The following CFAP20DC variants were observed in gnomAD, a reference collection of about 807,000 sequenced individuals.
The protein encoded by CFAP20DC is CFAP20 domain containing, also known as protein CFAP20DC.
In CFAP20DC, 84 loss-of-function variants were observed where a neutral mutation model predicts 101.7. The observed-to-expected ratio is 0.83, with a 90% CI of 0.69 to 0.99. The LOEUF (loss-of-function observed/expected upper bound fraction) is 0.99, where lower values mean the gene tolerates loss of function less well. Among genes scored for constraint, CFAP20DC ranks in the 50% least tolerant of loss-of-function variants. CFAP20DC has a pLI of 0.00. For synonymous variants in CFAP20DC, 359 were observed against 351.2 expected, an observed-to-expected ratio of 1.02 and a Z score of -0.25; for missense variants, 1,007 against 970.3, an observed-to-expected ratio of 1.04 and a Z score of -0.50.
intron 5 of CFAP20DC, among the ~76,000 whole-genome samples, chr3:58,936,683 C>T (rs1212383363): frequency 6.6e-6 from 1 of 152,092 alleles, no homozygotes; most frequent in Non-Finnish European, 1.5e-5. Flanking sequence ...GACGGAAAAC[C>T]AAACACCGCA....
At position 58,742,244 on chromosome 3, in the gene CFAP20DC, CTG is replaced by C. The variant is rs2067914088; in HGVS notation, c.*214_*215del. On this transcript the variant is annotated 3_prime_UTR_variant, in exon 17 of 17. Coordinates refer to ENST00000482387, the MANE Select transcript of CFAP20DC (RefSeq NM_001394063.1). ...AATTCAAACTCCTAAAATCTTGCCT[CTG>C]TATTAATTTCTTCAGTTTCAAAATC... The C allele has an allele frequency of 5.4e-6, 6 of 1,104,528 alleles. No homozygotes were observed. The highest frequency in any genetic ancestry group is 6.7e-6 in the Non-Finnish European group (6 of 900,986). The allele number at this position is 1,104,528 out of a possible 1,614,324, so 68.4% of individuals were successfully genotyped here. A position where few individuals can be genotyped will look rare whatever the true frequency, so the allele number is the denominator to read the frequency against.
At chr3:58,981,866 T>C (rs1192337291) in intron 4 of CFAP20DC, among the ~76,000 whole-genome samples, 1 of 152,136 alleles carries the variant, frequency 6.6e-6, no homozygotes, top group African/African-American at 2.4e-5. Flanking sequence ...TGGGATCTAA[T>C]TAAACTGAAG....
intron 4 of CFAP20DC, among the ~76,000 whole-genome samples, chr3:58,962,146 T>C (rs947492624): frequency 1.8e-4 from 28 of 152,202 alleles, no homozygotes; most frequent in Admixed American, 1.8e-3. Context: ...AACATATGAA[T>C]TTACAGCTCC....
At chr3:58,890,313 C>A (rs1382335173) in intron 6 of CFAP20DC, among the ~76,000 whole-genome samples, 13 of 139,930 alleles carry the variant, frequency 9.3e-5, no homozygotes, top group African/African-American at 2.9e-4. Flanking sequence ...GGGGGGCTGA[C>A]CCCCCCACCT....
Position 58,867,895 on chromosome 3 carries a change from G to T in CFAP20DC, c.1057C>A (p.Pro353Thr). Residue 353 changes from proline to threonine, a missense_variant, in exon 10 of 17, where the codon CCA becomes ACA. Coordinates refer to ENST00000482387, the MANE Select transcript of CFAP20DC (RefSeq NM_001394063.1). ...CTGTTATTATTCTTATCTGCTGATGGTTCTTGAGGGGGATGCGGATGCATA... is the reference window on the plus strand; with the variant it reads ...CTGTTATTATTCTTATCTGCTGATGTTTCTTGAGGGGGATGCGGATGCATA... ...HIMHPHPPQE[P>T]SADKNNNRRR... The T allele has an allele frequency of 6.2e-7, 1 of 1,613,260 alleles. No individual in the cohort carries two copies. The highest frequency in any genetic ancestry group is 8.5e-7 in the Non-Finnish European group (1 of 1,179,586).
chr3:58,860,190 AAAAAG>A (rs1190860365), intron 12 of CFAP20DC, among the ~76,000 whole-genome samples: 3 of 151,412 alleles, frequency 2.0e-5, no homozygotes, highest in Non-Finnish European at 2.9e-5. Flanking sequence ...AAAAAAAAAA[AAAAAG>A]AAAGAAAAAA....
chr3:58,814,019 C>T (rs976258101), intron 14 of CFAP20DC, among the ~76,000 whole-genome samples: 4 of 151,890 alleles, frequency 2.6e-5, no homozygotes. Flanking sequence ...GACAAACTCA[C>T]ACTGGTATAG....
rs1339286296 is a variant in CFAP20DC at position 58,814,947 on chromosome 3, G to A, written c.2176-8491C>T. 5.3e-5 allele frequency among the ~76,000 whole-genome samples: 8 copies of A among 151,036 alleles called. No homozygotes were observed. The East Asian group carries it at 7.8e-4, about 15-fold the overall frequency. On this transcript the variant is annotated intron_variant, in intron 14 of 16. Coordinates refer to ENST00000482387, the MANE Select transcript of CFAP20DC (RefSeq NM_001394063.1). The stretch of plus-strand genomic sequence containing the variant: ...GCCATACTGCCCAAGGTAATTTATA[G>A]ATTCAATGCCATCCCCATCAAGCTA...
intron 6 of CFAP20DC, among the ~76,000 whole-genome samples, chr3:58,893,043 A>ATTTTT (rs1184405114): frequency 7.5e-6 from 1 of 132,458 alleles, no homozygotes; most frequent in African/African-American, 2.8e-5. Flanking sequence ...AACATGAAGG[A>ATTTTT]TTTTTTTTTT....
At chr3:59,022,285 T>C (rs2093816498) in intron 4 of CFAP20DC, among the ~76,000 whole-genome samples, 3 of 152,018 alleles carry the variant, frequency 2.0e-5, no homozygotes, top group African/African-American at 7.2e-5. Context: ...TAGTCCTCGT[T>C]TTGCCACTAA....
chr3:58,803,856 T>C (rs893504722), intron 15 of CFAP20DC, among the ~76,000 whole-genome samples: 3 of 152,058 alleles, frequency 2.0e-5, no homozygotes, highest in Admixed American at 2.0e-4. Context: ...CTTAAATAAA[T>C]AAACATTTAA....
chr3:58,842,381 T>A (rs1206668981), intron 13 of CFAP20DC, among the ~76,000 whole-genome samples: 1 of 152,130 alleles, frequency 6.6e-6, no homozygotes, highest in African/African-American at 2.4e-5. Flanking sequence ...GAGTTCCCTT[T>A]CCGAGTCAAA....
intron 4 of CFAP20DC, among the ~76,000 whole-genome samples, chr3:58,967,944 A>C (rs1413522470): frequency 2.0e-5 from 3 of 152,168 alleles, no homozygotes. Context: ...TCCCACTTAT[A>C]AGTGAGAACA....
At chr3:59,035,127 A>C (rs1449072847) in intron 4 of CFAP20DC, among the ~76,000 whole-genome samples, 1 of 152,222 alleles carries the variant, frequency 6.6e-6, no homozygotes, top group Non-Finnish European at 1.5e-5. Context: ...AGAAATAAAT[A>C]AGTTCTTTGA....
rs959616715 is a variant in CFAP20DC, at chr3:59,008,213, A to G, written c.278+31344T>C. ...AACATCAACATTCCTACAGATGAAAAGAGATGCCTGTCTGATGTGAATAGC... is the reference window on the plus strand; with the variant it reads ...AACATCAACATTCCTACAGATGAAAGGAGATGCCTGTCTGATGTGAATAGC... On this transcript the variant is annotated intron_variant, in intron 4 of 16. Transcript: ENST00000482387. 2.0e-5 allele frequency among the ~76,000 whole-genome samples: 3 copies of G among 152,192 alleles called. No homozygotes were observed. The South Asian group carries it at 6.2e-4, about 32-fold the overall frequency.
In CFAP20DC at chr3:58,867,940, C is replaced by T; in HGVS notation, c.1016-4G>A. 1 of 1,601,702 alleles carries T rather than the reference C, an allele frequency of 6.2e-7. No homozygotes were observed. The highest frequency in any genetic ancestry group is 2.2e-5 in the East Asian group (1 of 44,524). On this transcript the variant is annotated splice_polypyrimidine_tract_variant and splice_region_variant and intron_variant, in intron 9 of 16. Coordinates refer to ENST00000482387, the MANE Select transcript of CFAP20DC (RefSeq NM_001394063.1). ...TGCATAATATGTAGATTGGCTGCTA[C>T]ATTTTCATATCAAAGCACAAAAGCC...
chr3:58,841,928 G>A (rs564205771), intron 13 of CFAP20DC, among the ~76,000 whole-genome samples: 6 of 152,204 alleles, frequency 3.9e-5, no homozygotes, highest in African/African-American at 1.4e-4. Context: ...AAAATGATTC[G>A]TTCAAAATTG....
intron 6 of CFAP20DC, among the ~76,000 whole-genome samples, chr3:58,910,293 T>C (rs2084016454): frequency 6.6e-6 from 1 of 152,180 alleles, no homozygotes; most frequent in Non-Finnish European, 1.5e-5. Flanking sequence ...GTGGAGAATA[T>C]CTTCGAGATA....
chr3:58,806,481 A>C, intron 14 of CFAP20DC, 25 bp from the exon 15 acceptor site: 1 of 1,563,342 alleles, frequency 6.4e-7, no homozygotes, highest in Non-Finnish European at 8.8e-7. Flanking sequence ...ACATTTGTGA[A>C]TGTTTAATCA....
Sources: gnomAD v4.1 joint callset for allele counts (sites outside exome capture counted in the v4.1 genomes callset) on GRCh38, gnomAD v4.1.1 for gene constraint, MANE v1.5 for transcripts, NCBI Gene and HGNC (gene_info 2026-07-23, HGNC 2026-07-21) for gene names.